Variants in SORBS2 observed in about 807,000 individuals in gnomAD.
SORBS2 encodes sorbin and SH3 domain-containing protein 2.
A neutral mutation model predicts 97.7 loss-of-function variants in SORBS2; 46 were observed. The observed-to-expected ratio is 0.47, with a 90% CI of 0.37 to 0.60. The LOEUF is 0.60. Ranked by LOEUF, SORBS2 falls within the 20% of genes least tolerant of loss-of-function variation. The probability of loss-of-function intolerance (pLI) is 0.00; values close to 1 mark genes in which losing one functional copy is unlikely to be tolerated. For synonymous variants in SORBS2, 476 were observed against 473.4 expected, an observed-to-expected ratio of 1.01 and a Z score of -0.07; for missense variants, 1,316 against 1,282.3, an observed-to-expected ratio of 1.03 and a Z score of -0.40.
At position 185,892,324 on chromosome 4, in the gene SORBS2, A is replaced by T. The variant is rs182620266; in HGVS notation, c.-338+63872T>A. Among the ~76,000 whole-genome samples, 28 of 152,328 alleles carry T rather than the reference A, an allele frequency of 1.8e-4. 1 individual carries two copies. Among genetic ancestry groups the T allele is most frequent in the Admixed American group, 1.8e-3 (27 of 15,298 alleles). ...ATTGCATCATGTATCTTTAAGGGGC[A>T]AAGGAGAGACATAATTTAAAACATC... On this transcript the variant is annotated intron_variant, in intron 1 of 20. Coordinates refer to the SORBS2 transcript ENST00000284776.
chr4:185,913,589 C>T (rs1379845950), intron 1 of SORBS2, among the ~76,000 whole-genome samples: 13 of 152,078 alleles, frequency 8.5e-5, no homozygotes, highest in Admixed American at 7.2e-4. Flanking sequence ...TTTCTCATTT[C>T]GTTTCTTCTT....
At chr4:185,725,981 A>C (rs2098552276) in intron 2 of SORBS2, among the ~76,000 whole-genome samples, 1 of 151,370 alleles carries the variant, frequency 6.6e-6, no homozygotes, top group African/African-American at 2.4e-5. Flanking sequence ...TTTTTTGTAC[A>C]TTTCATGTTT....
intron 4 of SORBS2, 22 bp downstream of exon 14, chr4:185,638,855 G>A: frequency 1.4e-6 from 2 of 1,439,866 alleles, no homozygotes; most frequent in Non-Finnish European, 9.1e-7. Context: ...CATGAAGAAA[G>A]GTAAGGAAGG....
chr4:185,793,911 T>G (rs956066419), intron 1 of SORBS2, among the ~76,000 whole-genome samples: 4 of 152,190 alleles, frequency 2.6e-5, no homozygotes, highest in African/African-American at 9.6e-5. Context: ...CCTCGAAAGC[T>G]AAATCCATGA....
Position 185,684,642 on chromosome 4 carries a change from A to T in SORBS2, c.-197-5820T>A. 1 of 778,322 alleles carries T rather than the reference A, an allele frequency of 1.3e-6. No individual in the cohort carries two copies. Among genetic ancestry groups the T allele is most frequent in the Non-Finnish European group, 2.1e-6 (1 of 485,472 alleles). The allele number at this position is 778,322 out of a possible 1,614,324, so 48.2% of individuals were successfully genotyped here. On this transcript the variant is annotated intron_variant, in intron 2 of 20. Transcript: ENST00000284776. This position sits in a 1 kb window ranked among gnomAD's most constrained non-coding sequence, Gnocchi z 4.2. ...CTGCTGTTTTTAATTACACATTTAAAATGTTTCCTACAAGATCTCATTTTC... is the reference window on the plus strand; with the variant it reads ...CTGCTGTTTTTAATTACACATTTAATATGTTTCCTACAAGATCTCATTTTC...
chr4:185,808,672 T>C (rs1354945305), intron 1 of SORBS2, among the ~76,000 whole-genome samples: 2 of 152,204 alleles, frequency 1.3e-5, no homozygotes, highest in Non-Finnish European at 2.9e-5. Flanking sequence ...CTTTTAGGTT[T>C]ACTTAGGAAC....
upstream of SORBS2, among the ~76,000 whole-genome samples, chr4:185,661,466 G>A (rs142992175): frequency 5.1e-3 from 769 of 152,238 alleles, 8 homozygotes; most frequent in South Asian, 0.012. Context: ...TTTTCTGGAG[G>A]AGAGCTCTAT....
intron 12 of SORBS2, among the ~76,000 whole-genome samples, chr4:185,604,370 G>A (rs2096355255): frequency 6.6e-6 from 1 of 152,160 alleles, no homozygotes. Context: ...TTGATCTCCT[G>A]TTGATAAGAA....
chr4:185,694,019 A>G (rs886590514), intron 2 of SORBS2, among the ~76,000 whole-genome samples: 1 of 152,188 alleles, frequency 6.6e-6, no homozygotes, highest in Non-Finnish European at 1.5e-5. Context: ...CAAGCAAGAC[A>G]TTTTCCAAGT....
Position 185,623,909 on chromosome 4 carries a change from C to A in SORBS2, c.1220G>T (p.Arg407Leu). The change falls in exon 7 of 15, where the codon CGG becomes CTG. Residue 407 changes from arginine to leucine, a missense_variant. Physicochemically the swap from Arg to Leu is moderately radical, Grantham distance 102 (BLOSUM62 -2). Transcript: ENST00000418609. This position sits in a 1 kb window ranked among gnomAD's most constrained non-coding sequence, Gnocchi z 6.4. ...GGAGATGCGTGTGGGCACCATGTCC[C>A]GGGGCACCTCCTCCGTGGAGCACTG... 1 of 1,614,140 alleles carries A rather than the reference C, an allele frequency of 6.2e-7. No individual in the cohort carries two copies. The highest frequency in any genetic ancestry group is 8.5e-7 in the Non-Finnish European group (1 of 1,180,034).
intron 2 of SORBS2, among the ~76,000 whole-genome samples, chr4:185,690,176 C>T (rs2153517257): frequency 6.6e-6 from 1 of 152,322 alleles, no homozygotes; most frequent in South Asian, 2.1e-4. Flanking sequence ...ACTTCTTCAA[C>T]ATAAAGAGTT....
chr4:185,743,890 CCTTCTT>C (rs577667605), intron 2 of SORBS2, among the ~76,000 whole-genome samples: 1 of 148,922 alleles, frequency 6.7e-6, no homozygotes, highest in African/African-American at 2.5e-5. Context: ...TTCTCCTCCT[CCTTCTT>C]CTTCTCCTTC....
chr4:185,788,570 A>G (rs757639635), intron 1 of SORBS2, among the ~76,000 whole-genome samples: 20 of 152,338 alleles, frequency 1.3e-4, no homozygotes, highest in African/African-American at 4.8e-4. Context: ...CTCGCTGGTG[A>G]AACTTCTGAA....
intron 11 of SORBS2, among the ~76,000 whole-genome samples, chr4:185,613,150 G>A (rs907850373): frequency 4.6e-5 from 7 of 152,226 alleles, no homozygotes; most frequent in African/African-American, 1.7e-4. Context: ...GCATTCAGCA[G>A]GTGATACAGA....
intron 1 of SORBS2, among the ~76,000 whole-genome samples, chr4:185,896,386 C>T (rs1012549220): frequency 7.2e-5 from 11 of 152,114 alleles, no homozygotes; most frequent in Non-Finnish European, 1.5e-4. Context: ...GAGTTCAAGA[C>T]CAGCCTGACC....
chr4:185,913,544 C>T (rs181763629), intron 1 of SORBS2, among the ~76,000 whole-genome samples: 8 of 152,136 alleles, frequency 5.3e-5, no homozygotes, highest in African/African-American at 1.4e-4. Flanking sequence ...TTGTGTTAAA[C>T]GGTAAGACTG....
intron 2 of SORBS2, among the ~76,000 whole-genome samples, chr4:185,724,756 G>C (rs2098543665): frequency 6.6e-6 from 1 of 152,094 alleles, no homozygotes; most frequent in Admixed American, 6.5e-5. Context: ...CGCTCATGCT[G>C]TTTCCCGAAT....
At chr4:185,609,774 A>G (rs2096502583) in intron 12 of SORBS2, among the ~76,000 whole-genome samples, 2 of 152,236 alleles carry the variant, frequency 1.3e-5, no homozygotes, top group Non-Finnish European at 2.9e-5. Flanking sequence ...CTGTTTGTAA[A>G]TATCAGTTAG....
At chr4:185,797,224 C>T (rs997548452) in intron 1 of SORBS2, among the ~76,000 whole-genome samples, 16 of 152,184 alleles carry the variant, frequency 1.1e-4, no homozygotes, top group Admixed American at 5.9e-4. Context: ...CTTAGGAGAG[C>T]GACTGACACA....
Sources: gnomAD v4.1 joint callset for allele counts (sites outside exome capture counted in the v4.1 genomes callset) on GRCh38, gnomAD v4.1.1 for gene constraint, Gnocchi (gnomAD v3.1) non-coding constraint, MANE v1.5 for transcripts, NCBI Gene and HGNC (gene_info 2026-07-23, HGNC 2026-07-21) for gene names.